Variants in JMY observed in about 807,000 individuals in gnomAD.
The protein encoded by JMY is junction mediating and regulatory protein, p53 cofactor.
Under a neutral mutation model 103.3 loss-of-function variants are expected in JMY, and 46 were observed. The ratio of observed to expected loss-of-function variants is 0.45; its 90% CI spans 0.35 to 0.57. The LOEUF (loss-of-function observed/expected upper bound fraction) is 0.57. JMY is among the 20% of genes least tolerant of loss of function. JMY has a pLI of 0.00. For missense variants in JMY, 1,238 were observed against 1,255.2 expected, an observed-to-expected ratio of 0.99 and a Z score of 0.21; for synonymous variants, 526 against 489.3, an observed-to-expected ratio of 1.07 and a Z score of -0.99.
chr5:79,264,484 G>A (rs1329764580), intron 1 of JMY, among the ~76,000 whole-genome samples: 1 of 151,240 alleles, frequency 6.6e-6, no homozygotes, highest in African/African-American at 2.4e-5. Context: ...CTACCTCACT[G>A]TAGGAGGTAA....
intron 10 of JMY, among the ~76,000 whole-genome samples, chr5:79,317,842 G>A (rs975118271): frequency 1.3e-5 from 2 of 151,700 alleles, no homozygotes; most frequent in African/African-American, 2.4e-5. Context: ...CCACCATGCC[G>A]GGCTAATTTT....
intron 8 of JMY, 33 bp downstream of exon 8, chr5:79,312,531 C>CTTTTT: frequency 2.3e-6 from 2 of 857,150 alleles, no homozygotes; most frequent in Non-Finnish European, 3.4e-6. Context: ...TATTGTTTTT[C>CTTTTT]TTTTTTTTTT....
chr5:79,244,895 A>T (rs1205479827), intron 1 of JMY, among the ~76,000 whole-genome samples: 1 of 147,102 alleles, frequency 6.8e-6, no homozygotes, highest in Non-Finnish European at 1.5e-5. Flanking sequence ...CTTTTAGGGG[A>T]CTTGATAATA....
chr5:79,251,114 A>G (rs574211379), intron 1 of JMY, among the ~76,000 whole-genome samples: 2 of 152,114 alleles, frequency 1.3e-5, no homozygotes, highest in Non-Finnish European at 2.9e-5. Context: ...GTGGGGAGAA[A>G]GATTGGAAAA....
rs1747458752 is a variant in JMY at position 79,321,785 on chromosome 5, G to A, written c.*183G>A. 6.6e-6 allele frequency: 1 copy of A among 152,162 alleles called. No individual in the cohort carries two copies. Among genetic ancestry groups the A allele is most frequent in the Non-Finnish European group, 1.5e-5 (1 of 68,026 alleles). The allele number at this position is 152,162 out of a possible 1,614,324, so 9.4% of individuals were successfully genotyped here. ...CTTTCCAGTCGTTCCAATAGATGATGGTTAACATGAATTTTACATGTGCAA... is the reference window on the plus strand; with the variant it reads ...CTTTCCAGTCGTTCCAATAGATGATAGTTAACATGAATTTTACATGTGCAA... On this transcript the variant is annotated 3_prime_UTR_variant, in exon 11 of 11. Transcript: ENST00000396137.
chr5:79,305,772 A>G (rs189144157), intron 6 of JMY, among the ~76,000 whole-genome samples: 36 of 152,324 alleles, frequency 2.4e-4, no homozygotes, highest in Non-Finnish European at 4.6e-4. Context: ...CAAAAGATTC[A>G]GATCTCATAT....
At chr5:79,308,521 C>G (rs1746954568) in intron 7 of JMY, among the ~76,000 whole-genome samples, 1 of 152,046 alleles carries the variant, frequency 6.6e-6, no homozygotes, top group Admixed American at 6.5e-5. Context: ...ATGATTCTGT[C>G]TCTTCAGTCT....
intron 2 of JMY, chr5:79,284,830 C>G (rs958345623): frequency 2.5e-6 from 4 of 1,574,312 alleles, no homozygotes; most frequent in Admixed American, 1.7e-5. Context: ...CACATCATAC[C>G]AATCTTTCTT....
intron 3 of JMY, 143 bp from the exon 4 acceptor site, chr5:79,290,987 A>T: frequency 1.9e-6 from 1 of 538,728 alleles, no homozygotes; most frequent in Non-Finnish European, 3.0e-6. Context: ...TCCATCTCAT[A>T]AAAGAAAAAA....
chr5:79,291,794 C>T (rs1418129396), intron 4 of JMY, among the ~76,000 whole-genome samples: 3 of 152,184 alleles, frequency 2.0e-5, no homozygotes, highest in Non-Finnish European at 2.9e-5. Flanking sequence ...TCCTTTTTTA[C>T]TATTGACAGT....
At chr5:79,285,308 C>T (rs1475733587) in intron 2 of JMY, among the ~76,000 whole-genome samples, 1 of 152,062 alleles carries the variant, frequency 6.6e-6, no homozygotes, top group African/African-American at 2.4e-5. Context: ...GCCAGTCACC[C>T]ATCAAACAAA....
intron 1 of JMY, among the ~76,000 whole-genome samples, chr5:79,252,075 C>T (rs1028436747): frequency 5.3e-5 from 8 of 152,050 alleles, no homozygotes; most frequent in Non-Finnish European, 8.8e-5. Flanking sequence ...CATGCCCAGC[C>T]TTTTCTTCTT....
intron 1 of JMY, among the ~76,000 whole-genome samples, chr5:79,256,703 CTTCT>C (rs1745253668): frequency 6.6e-6 from 1 of 152,090 alleles, no homozygotes; most frequent in East Asian, 1.9e-4. Flanking sequence ...TGCACCTGTC[CTTCT>C]TTCTTTCTTT....
chr5:79,287,352 G>T (rs1746298377), intron 2 of JMY, among the ~76,000 whole-genome samples: 1 of 152,166 alleles, frequency 6.6e-6, no homozygotes, highest in Non-Finnish European at 1.5e-5. Flanking sequence ...GGATGAACTT[G>T]GAGATGAATA....
At position 79,236,559 on chromosome 5, in the gene JMY, G is replaced by A; in HGVS notation, c.-92G>A. On this transcript the variant is annotated 5_prime_UTR_variant, in exon 1 of 11. Coordinates refer to ENST00000396137, the MANE Select transcript of JMY (RefSeq NM_152405.5). ...ACTAAGATGGCTGAAGGCGCCCGGC[G>A]AGGGTGAGCGGGGGGCGCGGCGCAG... The A allele has an allele frequency of 1.9e-6, 2 of 1,076,970 alleles. No individual in the cohort carries two copies. The highest frequency in any genetic ancestry group is 3.3e-5 in the East Asian group (1 of 30,522). The allele number at this position is 1,076,970 out of a possible 1,614,324, so 66.7% of individuals were successfully genotyped here.
chr5:79,253,148 CTGA>C (rs1053596198), intron 1 of JMY, among the ~76,000 whole-genome samples: 2 of 152,130 alleles, frequency 1.3e-5, no homozygotes, highest in African/African-American at 4.8e-5. Context: ...GTATTTTAAG[CTGA>C]TAACAACTTA....
intron 1 of JMY, among the ~76,000 whole-genome samples, chr5:79,257,676 C>T (rs952044135): frequency 6.6e-6 from 1 of 152,214 alleles, no homozygotes; most frequent in Non-Finnish European, 1.5e-5. Context: ...CAGCTGATAT[C>T]ATCCATAACT....
At chr5:79,302,083 C>CAAAACAA (rs555131463) in intron 6 of JMY, among the ~76,000 whole-genome samples, 1 of 102,618 alleles carries the variant, frequency 9.7e-6, no homozygotes, top group Non-Finnish European at 1.9e-5. Flanking sequence ...AACTCCGTCT[C>CAAAACAA]AAAAAAAAAA....
At chr5:79,313,134 A>G (rs909240660) in intron 8 of JMY, among the ~76,000 whole-genome samples, 1 of 152,148 alleles carries the variant, frequency 6.6e-6, no homozygotes, top group Non-Finnish European at 1.5e-5. Context: ...GAGGCAGGGG[A>G]AAAGCCTTGT....
Sources: allele counts gnomAD v4.1 joint callset (sites outside exome capture counted in the v4.1 genomes callset), GRCh38; gene constraint gnomAD v4.1.1; transcripts MANE v1.5; gene names NCBI Gene and HGNC (gene_info 2026-07-23, HGNC 2026-07-21).